ZNF208: variants seen among roughly 807,000 people sequenced by gnomAD.
ZNF208 encodes zinc finger protein 95.
ZNF208 carries 10 observed loss-of-function variants against 12.1 expected under a neutral mutation model. The ratio of observed to expected loss-of-function variants is 0.83; its 90% CI spans 0.51 to 1.40. The LOEUF (loss-of-function observed/expected upper bound fraction) is 1.40, where lower values mean the gene tolerates loss of function less well. Ranked by LOEUF, ZNF208 falls within the 40% of genes most tolerant of loss-of-function variation. The pLI is 0.00. For missense variants in ZNF208, 1,652 were observed against 1,485.0 expected, an observed-to-expected ratio of 1.11 and a Z score of -1.85; for synonymous variants, 497 against 488.4, an observed-to-expected ratio of 1.02 and a Z score of -0.23.
intron 1 of ZNF208, among the ~76,000 whole-genome samples, chr19:22,003,266 CA>C (rs1318998542): frequency 6.6e-6 from 1 of 152,080 alleles, no homozygotes; most frequent in African/African-American, 2.4e-5. Flanking sequence ...CCATTCTAGA[CA>C]TAGAAACTGG....
chr19:22,008,330 G>A (rs757020289), intron 1 of ZNF208, among the ~76,000 whole-genome samples: 1 of 137,368 alleles, frequency 7.3e-6, no homozygotes, highest in African/African-American at 2.7e-5. Flanking sequence ...AAAAAAAACT[G>A]AGGTCAAAAT....
chr19:21,951,320 A>G (rs1249937694), intron 4 of ZNF208, among the ~76,000 whole-genome samples: 1 of 152,216 alleles, frequency 6.6e-6, no homozygotes. Context: ...AAAAGTTACC[A>G]TTATAACATG....
In ZNF208 at chr19:21,969,907, A is replaced by G. The variant is rs1044494798; in HGVS notation, c.*1284T>C. On this transcript the variant is annotated 3_prime_UTR_variant, in exon 4 of 4. Transcript: ENST00000397126. Reference sequence around the variant, plus strand: ...GTGAGAAGATATTACTGGCATTAACAAAAATTTTTTTTTCCAGACAGTCTC... The same window carrying G: ...GTGAGAAGATATTACTGGCATTAACGAAAATTTTTTTTTCCAGACAGTCTC... Among the ~76,000 whole-genome samples, 4 of 151,982 alleles carry G rather than the reference A, an allele frequency of 2.6e-5. No individual in the cohort carries two copies. The highest frequency in any genetic ancestry group is 1.9e-4 in the East Asian group (1 of 5,180).
chr19:21,989,989 T>C, intron 1 of ZNF208, among the ~76,000 whole-genome samples: 1 of 152,232 alleles, frequency 6.6e-6, no homozygotes, highest in Non-Finnish European at 1.5e-5. Flanking sequence ...ATTAGCCCTT[T>C]GTCAGATGAG....
chr19:21,977,528 G>A (rs1970455597), intron 3 of ZNF208, among the ~76,000 whole-genome samples: 1 of 152,206 alleles, frequency 6.6e-6, no homozygotes, highest in Non-Finnish European at 1.5e-5. Flanking sequence ...GTACCATGAA[G>A]AACCGTGCTC....
Position 21,973,499 on chromosome 19 carries a change from A to T in ZNF208, c.1535T>A (p.Leu512His). ...CGKAFNWSSN[L>H]MEHKRIHTGE... Reference sequence around the variant, plus strand: ...AGTATGAATTCTCTTATGTTCCATAAGGTTTGAGGACCAGTTGAAAGCTTT... The same window carrying T: ...AGTATGAATTCTCTTATGTTCCATATGGTTTGAGGACCAGTTGAAAGCTTT... The change falls in exon 4 of 4, where the codon CTT (leucine) becomes CAT (histidine). Residue 512 changes from leucine (L) to histidine (H), a missense_variant. Coordinates refer to ENST00000397126, the MANE Select transcript of ZNF208 (RefSeq NM_007153.3). 1.9e-6 allele frequency: 3 copies of T among 1,612,946 alleles called. No individual in the cohort carries two copies. The highest frequency in any genetic ancestry group is 2.5e-6 in the Non-Finnish European group (3 of 1,179,792).
downstream of ZNF208, among the ~76,000 whole-genome samples, chr19:21,965,470 A>G (rs1483560951): frequency 6.6e-6 from 1 of 152,106 alleles, no homozygotes; most frequent in African/African-American, 2.4e-5. Flanking sequence ...ATGTCTGAGC[A>G]TATTCACTTG....
At chr19:21,992,166 A>T (rs1970751546) in intron 1 of ZNF208, among the ~76,000 whole-genome samples, 1 of 152,210 alleles carries the variant, frequency 6.6e-6, no homozygotes, top group Non-Finnish European at 1.5e-5. Context: ...ATACTTGATG[A>T]TGAAGAGAAA....
chr19:21,949,821 G>T (rs1969864233), intron 4 of ZNF208, among the ~76,000 whole-genome samples: 1 of 152,198 alleles, frequency 6.6e-6, no homozygotes, highest in Non-Finnish European at 1.5e-5. Context: ...GTGATGGCTT[G>T]CTGGTATCAA....
At chr19:21,954,206 T>C (rs545742480) in intron 4 of ZNF208, among the ~76,000 whole-genome samples, 25 of 152,358 alleles carry the variant, frequency 1.6e-4, no homozygotes, top group African/African-American at 6.0e-4. Context: ...AGATAGTTTG[T>C]TGTGATTTCT....
intron 1 of ZNF208, among the ~76,000 whole-genome samples, chr19:22,005,163 C>A (rs1971022989): frequency 6.6e-6 from 1 of 152,110 alleles, no homozygotes; most frequent in Non-Finnish European, 1.5e-5. Flanking sequence ...GCCAAAAAAA[C>A]CACTAGGATC....
intron 4 of ZNF208, among the ~76,000 whole-genome samples, chr19:21,947,766 C>T (rs1322348623): frequency 1.3e-5 from 2 of 152,144 alleles, no homozygotes; most frequent in African/African-American, 4.8e-5. Flanking sequence ...CTGATGTTTT[C>T]CTGGGGCCAT....
Position 21,971,644 on chromosome 19 carries a change from T to C in ZNF208, c.3390A>G (p.Lys1130=). 6.2e-7 allele frequency: 1 copy of C among 1,613,364 alleles called. No homozygotes were observed. Among genetic ancestry groups the C allele is most frequent in the East Asian group, 2.2e-5 (1 of 44,848 alleles). ...KSFSTFSILT[K]HKVIHTGEKP... ...TCTCTCCAGTATGAATTACCTTATG[T>C]TTAGTAAGGATTGAGAACGTACTAA... Residue 1130 remains lysine, a synonymous_variant, in exon 4 of 4, where the codon AAA becomes AAG. Transcript: ENST00000397126.
chr19:21,988,643 C>T (rs558324766), intron 2 of ZNF208, 140 bp downstream of exon 2: 58 of 1,531,534 alleles, frequency 3.8e-5, no homozygotes, highest in South Asian at 9.5e-5. Context: ...CAAGGAGGCC[C>T]CTGACCCCTT....
intron 1 of ZNF208, chr19:21,998,563 A>G: frequency 6.6e-6 from 1 of 152,504 alleles, no homozygotes; most frequent in Non-Finnish European, 1.5e-5. Context: ...AGCCTCCCAA[A>G]TGACTGGGAC....
chr19:21,966,763 T>C lies in ZNF208; in HGVS notation c.*4428A>G, dbSNP rs967967820. On this transcript the variant is annotated 3_prime_UTR_variant, in exon 4 of 4. Coordinates refer to ENST00000397126, the MANE Select transcript of ZNF208 (RefSeq NM_007153.3). Reference sequence around the variant, plus strand: ...TTTCCTTATCTCTACAACTTCAACATCTTATTTATCTTACTTTTAATAAGT... The same window carrying C: ...TTTCCTTATCTCTACAACTTCAACACCTTATTTATCTTACTTTTAATAAGT... 6.6e-6 allele frequency: 1 copy of C among 152,126 alleles called. No individual in the cohort carries two copies. Among genetic ancestry groups the C allele is most frequent in the African/African-American group, 2.4e-5 (1 of 41,436 alleles). The allele number at this position is 152,126 out of a possible 1,614,324, so 9.4% of individuals were successfully genotyped here.
chr19:21,974,545 A>T lies in ZNF208; in HGVS notation c.489T>A (p.His163Gln). 6.2e-7 allele frequency: 1 copy of T among 1,613,666 alleles called. No individual in the cohort carries two copies. Among genetic ancestry groups the T allele is most frequent in the Non-Finnish European group, 8.5e-7 (1 of 1,179,714 alleles). Residue 163 changes from histidine to glutamine, a missense_variant, in exon 4 of 4, where the codon CAT (histidine) becomes CAA (glutamine). Around this residue, in one of 3 missense-constraint regions of ZNF208, gnomAD observed 410 missense variants for 378.2 expected, o/e 1.08. Transcript: ENST00000397126. ...GTTTCTTTCCAGTATGCCTTATCTT[A>T]TGTCTGTTTGAATTTGAACATTTAT... ...VFHKCSNSNR[H>Q]KIRHTGKKHL...
chr19:21,958,770 T>C (rs545705711), intron 4 of ZNF208, among the ~76,000 whole-genome samples: 1 of 151,940 alleles, frequency 6.6e-6, no homozygotes, highest in African/African-American at 2.4e-5. Flanking sequence ...CAGTGAGGAA[T>C]AGCCAAAAAT....
chr19:22,003,552 A>C (rs558069299), intron 1 of ZNF208, among the ~76,000 whole-genome samples: 1 of 152,150 alleles, frequency 6.6e-6, no homozygotes, highest in African/African-American at 2.4e-5. Flanking sequence ...GGAGACAAAC[A>C]TGTGGCTAAC....
Sources: allele counts gnomAD v4.1 joint callset (sites outside exome capture counted in the v4.1 genomes callset), GRCh38; gene constraint gnomAD v4.1.1; regional missense constraint gnomAD v4.1.1; transcripts MANE v1.5; gene names NCBI Gene and HGNC (gene_info 2026-07-23, HGNC 2026-07-21).